The following SCFD2 variants were observed in gnomAD, a reference collection of about 807,000 sequenced individuals.
SCFD2 encodes sec1 family domain-containing protein 2.
Under a neutral mutation model 58.9 loss-of-function variants are expected in SCFD2, and 54 were observed. The ratio of observed to expected loss-of-function variants is 0.92; its 90% CI spans 0.74 to 1.15. The LOEUF (loss-of-function observed/expected upper bound fraction) is 1.15. Ranked by LOEUF, SCFD2 falls within the 50% of genes most tolerant of loss-of-function variation. The pLI is 0.00. For synonymous variants in SCFD2, 321 were observed against 335.9 expected, an observed-to-expected ratio of 0.96 and a Z score of 0.49; for missense variants, 805 against 836.6, an observed-to-expected ratio of 0.96 and a Z score of 0.47.
intron 5 of SCFD2, among the ~76,000 whole-genome samples, chr4:53,097,736 G>A (rs1315563645): frequency 6.6e-6 from 1 of 152,182 alleles, no homozygotes; most frequent in Non-Finnish European, 1.5e-5. Context: ...GCCCTGGCCA[G>A]AACTTCCAAT....
intron 2 of SCFD2, among the ~76,000 whole-genome samples, chr4:53,343,864 C>T (rs542736383): frequency 1.3e-5 from 2 of 152,342 alleles, no homozygotes; most frequent in African/African-American, 4.8e-5. Flanking sequence ...ACATGATTAT[C>T]TCAATAGATG....
At chr4:52,972,343 CAAAA>C (rs906714893) in intron 5 of SCFD2, among the ~76,000 whole-genome samples, 1 of 151,316 alleles carries the variant, frequency 6.6e-6, no homozygotes, top group East Asian at 1.9e-4. Flanking sequence ...AAATGGAAAA[CAAAA>C]AAAGGCAAGG....
At chr4:53,236,640 T>C (rs1729620325) in intron 4 of SCFD2, among the ~76,000 whole-genome samples, 1 of 150,474 alleles carries the variant, frequency 6.6e-6, no homozygotes. Flanking sequence ...GAATAAAATG[T>C]CTGGCATGTT....
At chr4:52,983,232 C>G (rs982048711) in intron 5 of SCFD2, among the ~76,000 whole-genome samples, 1 of 152,088 alleles carries the variant, frequency 6.6e-6, no homozygotes, top group Non-Finnish European at 1.5e-5. Context: ...CCAAATTCAG[C>G]GTTCAATGTA....
intron 5 of SCFD2, among the ~76,000 whole-genome samples, chr4:52,933,530 G>T (rs1720052798): frequency 6.6e-6 from 1 of 152,138 alleles, no homozygotes; most frequent in African/African-American, 2.4e-5. Flanking sequence ...CATGTAGGAT[G>T]GGTTTGAGAG....
At chr4:53,010,415 A>C (rs1484950691) in intron 5 of SCFD2, among the ~76,000 whole-genome samples, 1 of 152,248 alleles carries the variant, frequency 6.6e-6, no homozygotes, top group Non-Finnish European at 1.5e-5. Context: ...CAATGACAAG[A>C]ACAGTCTAGC....
chr4:53,057,195 T>C (rs914059573), intron 5 of SCFD2, among the ~76,000 whole-genome samples: 7 of 152,128 alleles, frequency 4.6e-5, no homozygotes, highest in East Asian at 3.9e-4. Context: ...GATTCTACTA[T>C]AAAGGCACTG....
At position 53,167,078 on chromosome 4, in the gene SCFD2, C is replaced by T. The variant is rs369386619; in HGVS notation, c.1312-21496G>A. Among the ~76,000 whole-genome samples, 21 of 152,250 alleles carry T rather than the reference C, an allele frequency of 1.4e-4. No individual in the cohort carries two copies. In the South Asian group the frequency reaches 3.9e-3, roughly 29 times the overall value. On this transcript the variant is annotated intron_variant, in intron 4 of 8. Coordinates refer to ENST00000401642, the MANE Select transcript of SCFD2 (RefSeq NM_152540.4). ...TAACCTGCTCCATCTAACAACAGCCCCTTTGCCTAGACTTCCTCATCTCCC... is the reference window on the plus strand; with the variant it reads ...TAACCTGCTCCATCTAACAACAGCCTCTTTGCCTAGACTTCCTCATCTCCC...
chr4:53,164,595 A>T (rs1348686681), intron 4 of SCFD2, among the ~76,000 whole-genome samples: 1 of 152,094 alleles, frequency 6.6e-6, no homozygotes, highest in African/African-American at 2.4e-5. Context: ...GGTGTTCAAG[A>T]CCAGATTGGC....
At chr4:52,990,856 G>A (rs571106920) in intron 5 of SCFD2, among the ~76,000 whole-genome samples, 21 of 152,342 alleles carry the variant, frequency 1.4e-4, no homozygotes, top group African/African-American at 4.8e-4. Flanking sequence ...GTCCACTCTT[G>A]TAACTCTTAC....
At position 52,873,615 on chromosome 4, in the gene SCFD2, A is replaced by G. The variant is rs1718399497; in HGVS notation, c.*354T>C. On this transcript the variant is annotated 3_prime_UTR_variant, in exon 9 of 9. Transcript: ENST00000401642. ...AGCAACTTCAAATAAAAAGAGTTGT[A>G]ATCTACCAACACTTGCCAACAGGCT... The G allele has an allele frequency of 5.8e-6, 1 of 171,526 alleles. No homozygotes were observed. The highest frequency in any genetic ancestry group is 1.6e-4 in the South Asian group (1 of 6,062). 10.6% of individuals were successfully genotyped at this position (171,526 alleles called of 1,614,324 possible).
chr4:53,219,657 G>C (rs6832823), intron 4 of SCFD2, among the ~76,000 whole-genome samples: 148,660 of 152,194 alleles, frequency 0.98, 72,709 homozygotes, highest in Middle Eastern at 1. Flanking sequence ...CCCCACTGTC[G>C]GACAAGCCCC....
At chr4:53,076,901 A>G (rs1485286402) in intron 5 of SCFD2, among the ~76,000 whole-genome samples, 2 of 152,176 alleles carry the variant, frequency 1.3e-5, no homozygotes, top group African/African-American at 4.8e-5. Context: ...TAATTGCCCT[A>G]ATTTAAACGT....
At chr4:53,158,251 C>A (rs1188040922) in intron 4 of SCFD2, among the ~76,000 whole-genome samples, 2 of 152,198 alleles carry the variant, frequency 1.3e-5, no homozygotes, top group Non-Finnish European at 2.9e-5. Context: ...TATATCACTT[C>A]TTTTGGTATA....
intron 4 of SCFD2, among the ~76,000 whole-genome samples, chr4:53,205,695 T>TA (rs1225825094): frequency 3.3e-5 from 5 of 151,382 alleles, no homozygotes; most frequent in Admixed American, 1.3e-4. Flanking sequence ...CCATCTCTAC[T>TA]AAAAAAATAC....
chr4:53,190,336 G>A (rs748977439), intron 4 of SCFD2, among the ~76,000 whole-genome samples: 3 of 152,038 alleles, frequency 2.0e-5, no homozygotes, highest in East Asian at 3.9e-4. Context: ...GTTTGACCTC[G>A]GCTGTTCTCC....
chr4:53,102,961 A>G (rs1724872621), intron 5 of SCFD2, among the ~76,000 whole-genome samples: 2 of 152,156 alleles, frequency 1.3e-5, no homozygotes, highest in Admixed American at 6.5e-5. Context: ...ATAGGCAGAC[A>G]GCTGGAGAGA....
At chr4:53,041,526 ACT>A (rs1722900922) in intron 5 of SCFD2, among the ~76,000 whole-genome samples, 1 of 152,200 alleles carries the variant, frequency 6.6e-6, no homozygotes, top group Admixed American at 6.5e-5. Context: ...AATGAGAGTA[ACT>A]AAGTGATTAA....
intron 6 of SCFD2, among the ~76,000 whole-genome samples, chr4:52,914,552 G>A (rs576243201): frequency 8.5e-5 from 13 of 152,218 alleles, no homozygotes; most frequent in Non-Finnish European, 1.5e-4. Context: ...ATGCTCCCCT[G>A]ATGGGGAGCT....
Sources: gnomAD v4.1 joint callset for allele counts (sites outside exome capture counted in the v4.1 genomes callset) on GRCh38, gnomAD v4.1.1 for gene constraint, MANE v1.5 for transcripts, NCBI Gene and HGNC (gene_info 2026-07-23, HGNC 2026-07-21) for gene names.